Variants in DSCAM observed in about 807,000 individuals in gnomAD.
DSCAM encodes DS cell adhesion molecule, also known as cell adhesion molecule DSCAM.
DSCAM carries 47 observed loss-of-function variants against 217.7 expected under a neutral mutation model. That is an observed-to-expected ratio of 0.22 (90% CI 0.17 to 0.28). The LOEUF is 0.28. Ranked by LOEUF, DSCAM falls within the 10% of genes least tolerant of loss-of-function variation. The probability of loss-of-function intolerance (pLI) is 1.00; values close to 1 mark genes in which losing one functional copy is unlikely to be tolerated. For missense variants in DSCAM, 2,080 were observed against 2,618.3 expected (o/e 0.79, Z 4.49); for synonymous variants, 1,056 against 1,015.3 (o/e 1.04, Z -0.76).
intron 3 of DSCAM, among the ~76,000 whole-genome samples, chr21:40,628,332 A>G (rs1233137290): frequency 1.3e-5 from 2 of 152,154 alleles, no homozygotes; most frequent in Non-Finnish European, 2.9e-5. Context: ...CAAATGATTG[A>G]ACCTCTACAA....
intron 3 of DSCAM, among the ~76,000 whole-genome samples, chr21:40,612,964 C>T (rs2052119024): frequency 1.3e-5 from 2 of 152,106 alleles, no homozygotes; most frequent in Admixed American, 1.3e-4. Flanking sequence ...ATCCTTGTCC[C>T]TTTACTGTCT....
chr21:40,134,472 T>C (rs1798481867), intron 18 of DSCAM, among the ~76,000 whole-genome samples: 1 of 152,246 alleles, frequency 6.6e-6, no homozygotes, highest in Admixed American at 6.5e-5. Context: ...AAACAAGCTC[T>C]ACTTTAACAT....
Position 40,301,607 on chromosome 21 carries a change from C to CACTCTTCT in DSCAM, c.2063-5434_2063-5433insAGAAGAGT, listed in dbSNP as rs2074015351. Among the ~76,000 whole-genome samples the CACTCTTCT allele has an allele frequency of 2.0e-5, 3 of 152,298 alleles. 1 individual carries two copies. Among genetic ancestry groups the CACTCTTCT allele is most frequent in the East Asian group, 1.9e-4 (1 of 5,184 alleles). ...TAATTACTTACCATAGCCTTTATTACGCTCATCTGGTATTGCTGTTTAACA... is the reference window on the plus strand; with the variant it reads ...TAATTACTTACCATAGCCTTTATTACACTCTTCTGCTCATCTGGTATTGCTGTTTAACA... On this transcript the variant is annotated intron_variant, in intron 9 of 32. Coordinates refer to ENST00000400454, the MANE Select transcript of DSCAM (RefSeq NM_001389.5).
intron 32 of DSCAM, among the ~76,000 whole-genome samples, chr21:40,022,840 T>C (rs546871886): frequency 6.6e-6 from 1 of 152,266 alleles, no homozygotes; most frequent in African/African-American, 2.4e-5. Context: ...ACCAAAAGTA[T>C]TGAGTTGGAT....
chr21:40,363,252 C>CTTTTTTTTTTTTTTTTTTTTTTT (rs35756323), intron 4 of DSCAM, among the ~76,000 whole-genome samples: 1 of 116,168 alleles, frequency 8.6e-6, no homozygotes, highest in African/African-American at 3.3e-5. Context: ...TTTTTGTGTT[C>CTTTTTTTTTTTTTTTTTTTTTTT]TTTTTTTTTT....
At chr21:40,245,307 C>T (rs1045858645) in intron 11 of DSCAM, among the ~76,000 whole-genome samples, 1 of 152,142 alleles carries the variant, frequency 6.6e-6, no homozygotes, top group Non-Finnish European at 1.5e-5. Flanking sequence ...GGGAGGACCT[C>T]TTTAGGACAA....
intron 3 of DSCAM, among the ~76,000 whole-genome samples, chr21:40,514,538 G>T (rs967461694): frequency 1.3e-5 from 2 of 152,158 alleles, no homozygotes; most frequent in Non-Finnish European, 2.9e-5. Context: ...AATGGATTAT[G>T]CAATAAATAG....
At chr21:40,174,432 C>G (rs1038423143) in intron 15 of DSCAM, among the ~76,000 whole-genome samples, 1 of 152,108 alleles carries the variant, frequency 6.6e-6, no homozygotes, top group Non-Finnish European at 1.5e-5. Context: ...AAATCTAAAA[C>G]TCAAATTCCC....
chr21:40,598,317 T>C (rs1335156106), intron 3 of DSCAM, among the ~76,000 whole-genome samples: 2 of 152,154 alleles, frequency 1.3e-5, no homozygotes. Context: ...AGTCCACAGT[T>C]CACTCACTCA....
At chr21:40,191,754 C>G (rs1169294151) in intron 11 of DSCAM, among the ~76,000 whole-genome samples, 1 of 152,124 alleles carries the variant, frequency 6.6e-6, no homozygotes, top group Admixed American at 6.5e-5. Flanking sequence ...AGAGGAAGAC[C>G]CTTCCTTGCC....
At chr21:40,066,933 ATTG>A (rs1311583738) in intron 27 of DSCAM, among the ~76,000 whole-genome samples, 2 of 152,180 alleles carry the variant, frequency 1.3e-5, no homozygotes, top group African/African-American at 4.8e-5. Flanking sequence ...GAATTAATCT[ATTG>A]TTGTTGAAAA....
intron 1 of DSCAM, among the ~76,000 whole-genome samples, chr21:40,837,750 T>G (rs2092068435): frequency 6.6e-6 from 1 of 152,228 alleles, no homozygotes; most frequent in South Asian, 2.1e-4. Context: ...AAGAACTAGA[T>G]CCGGCAGGAG....
chr21:40,217,070 A>G (rs1330634712), intron 11 of DSCAM, among the ~76,000 whole-genome samples: 1 of 152,212 alleles, frequency 6.6e-6, no homozygotes, highest in East Asian at 1.9e-4. Flanking sequence ...CTAAAAGAGA[A>G]TATCTGTTAT....
intron 3 of DSCAM, among the ~76,000 whole-genome samples, chr21:40,617,828 G>C (rs898093584): frequency 1.3e-5 from 2 of 152,216 alleles, no homozygotes; most frequent in African/African-American, 4.8e-5. Flanking sequence ...TCTAGAAATA[G>C]AGACTCTGCT....
intron 3 of DSCAM, among the ~76,000 whole-genome samples, chr21:40,533,421 T>C (rs1338463496): frequency 8.6e-6 from 1 of 116,836 alleles, no homozygotes; most frequent in Non-Finnish European, 1.6e-5. Context: ...AATCCACCTA[T>C]CTATTTCCCC....
chr21:40,699,044 T>G (rs752206516), intron 2 of DSCAM, among the ~76,000 whole-genome samples: 13 of 152,206 alleles, frequency 8.5e-5, no homozygotes, highest in Admixed American at 2.0e-4. Flanking sequence ...CCCTGCATCA[T>G]GCAACTCTAT....
At chr21:40,088,164 T>C (rs2089556813) in intron 21 of DSCAM, among the ~76,000 whole-genome samples, 1 of 152,124 alleles carries the variant, frequency 6.6e-6, no homozygotes, top group African/African-American at 2.4e-5. Context: ...TCAGACACTG[T>C]CATGGAGCTG....
At chr21:40,110,808 G>T (rs1465701090) in intron 20 of DSCAM, among the ~76,000 whole-genome samples, 1 of 152,140 alleles carries the variant, frequency 6.6e-6, no homozygotes, top group African/African-American at 2.4e-5. Flanking sequence ...TGGAAGAAAG[G>T]GTATCAGTGA....
chr21:40,349,041 G>A (rs191470030), intron 5 of DSCAM, among the ~76,000 whole-genome samples: 2 of 149,990 alleles, frequency 1.3e-5, no homozygotes, highest in Admixed American at 1.3e-4. Flanking sequence ...GGAGGCTGAG[G>A]GAGGAGAATG....
Sources: gnomAD v4.1 joint callset for allele counts (sites outside exome capture counted in the v4.1 genomes callset) on GRCh38, gnomAD v4.1.1 for gene constraint, MANE v1.5 for transcripts, NCBI Gene and HGNC (gene_info 2026-07-23, HGNC 2026-07-21) for gene names.